CHST13: variants seen among roughly 807,000 people sequenced by gnomAD.
CHST13 encodes C4ST-3.
Under a neutral mutation model 7.0 loss-of-function variants are expected in CHST13, and 1 was observed. The observed-to-expected ratio is 0.14, with a 90% confidence interval of 0.05 to 0.68. The LOEUF is 0.68. Among genes scored for constraint, CHST13 ranks in the 30% least tolerant of loss-of-function variants. The pLI is 0.82. For synonymous variants in CHST13, 257 were observed against 240.9 expected, an observed-to-expected ratio of 1.07 and a Z score of -0.62; for missense variants, 572 against 507.9, an observed-to-expected ratio of 1.13 and a Z score of -1.21.
chr3:126,534,676 C>T (rs1354868275), intron 1 of CHST13, among the ~76,000 whole-genome samples: 1 of 148,084 alleles, frequency 6.8e-6, no homozygotes, highest in Non-Finnish European at 1.5e-5. Context: ...CTGTCCTCAG[C>T]CGGGAGACAG....
rs1332450977 is a variant in CHST13, at chr3:126,531,959, G to A, written c.98-4312G>A. On this transcript the variant is annotated intron_variant, in intron 1 of 2. Coordinates refer to ENST00000319340, the MANE Select transcript of CHST13 (RefSeq NM_152889.3). ...AGGGCTCCAATTTCTCCACATCCTT[G>A]TTATTTACTGTCTTTTTAAATAACC... Among the ~76,000 whole-genome samples the A allele has an allele frequency of 2.0e-5, 3 of 152,174 alleles. 1 individual carries two copies. In the South Asian group the frequency reaches 6.2e-4, roughly 32 times the overall value.
chr3:126,531,140 C>T (rs560642276), intron 1 of CHST13, among the ~76,000 whole-genome samples: 34 of 152,380 alleles, frequency 2.2e-4, no homozygotes, highest in Middle Eastern at 3.4e-3. Flanking sequence ...TGTCAAAGCA[C>T]GCTCCCAGAC....
rs761995292 is a variant in CHST13 at position 126,536,291 on chromosome 3, G to C, written c.118G>C (p.Gly40Arg). 6.2e-7 allele frequency: 1 copy of C among 1,613,864 alleles called. No homozygotes were observed. Reference protein sequence around the residue: ...LRPAFGNRALGSSWLGGEKRS... With the variant: ...LRPAFGNRALRSSWLGGEKRS... ...CACAGCATTTGGAAACAGAGCCCTGGGCTCCAGCTGGCTTGGTGGGGAGAA... is the reference window on the plus strand; with the variant it reads ...CACAGCATTTGGAAACAGAGCCCTGCGCTCCAGCTGGCTTGGTGGGGAGAA... Residue 40 changes from glycine to arginine, a missense_variant, in exon 2 of 3, where the codon GGC (glycine) becomes CGC (arginine). Coordinates refer to ENST00000319340, the MANE Select transcript of CHST13 (RefSeq NM_152889.3).
At chr3:126,535,099 T>TCCCTGTCCTCAGCCGGGAGACACAC (rs1560139687) in intron 1 of CHST13, among the ~76,000 whole-genome samples, 3 of 6,312 alleles carry the variant, frequency 4.8e-4, no homozygotes, top group Non-Finnish European at 3.6e-4. Context: ...GGGAGACAGA[T>TCCCTGTCCTCAGCCGGGAGACACAC]AGACAGCATC....
chr3:126,525,484 T>C (rs1346256456), intron 1 of CHST13, among the ~76,000 whole-genome samples: 1 of 152,012 alleles, frequency 6.6e-6, no homozygotes, highest in Non-Finnish European at 1.5e-5. Context: ...CCTGGATGCC[T>C]CCCCAAGCCC....
At position 126,542,099 on chromosome 3, in the gene CHST13, G is replaced by T; in HGVS notation, c.547G>T (p.Ala183Ser). 6.3e-7 allele frequency: 1 copy of T among 1,582,200 alleles called. No homozygotes were observed. The highest frequency in any genetic ancestry group is 8.6e-7 in the Non-Finnish European group (1 of 1,168,496). Residue 183 changes from alanine to serine, a missense_variant, in exon 3 of 3, where the codon GCT (alanine) becomes TCT (serine). Physicochemically the swap from Ala to Ser is moderately conservative, Grantham distance 99 (BLOSUM62 1). Transcript: ENST00000319340. ...VREPFERLAS[A>S]YRNKLARPYS... ...GGAGCCCTTCGAGCGCCTGGCATCG[G>T]CTTACCGCAACAAGCTCGCGCGCCC...
In CHST13 at chr3:126,524,428, G is replaced by A; in HGVS notation, c.96G>A (p.Pro32=). 3.6e-6 allele frequency: 4 copies of A among 1,112,358 alleles called. No homozygotes were observed. Among genetic ancestry groups the A allele is most frequent in the South Asian group, 4.5e-5 (1 of 22,306 alleles). 68.9% of individuals were successfully genotyped at this position (1,112,358 alleles called of 1,614,324 possible). A position where few individuals can be genotyped will look rare whatever the true frequency, so the allele number is the denominator to read the frequency against. The part of the protein sequence containing the change: ...LLCAAPRSLR[P]AFGNRALGSS... ...GCGCCGCGCCCCGCTCCCTGCGCCC[G>A]GGTGAGTGCCCGCCGGCCGAGCCGC... Residue 32 remains proline, a splice_region_variant and synonymous_variant, in exon 1 of 3, where the codon CCG becomes CCA. Coordinates refer to ENST00000319340, the MANE Select transcript of CHST13 (RefSeq NM_152889.3).
chr3:126,530,915 T>C (rs1936644690), intron 1 of CHST13, among the ~76,000 whole-genome samples: 1 of 152,214 alleles, frequency 6.6e-6, no homozygotes, highest in Non-Finnish European at 1.5e-5. Context: ...TTACAGGATG[T>C]GGCCTGGGCG....
intron 1 of CHST13, among the ~76,000 whole-genome samples, chr3:126,535,960 C>T (rs1251494959): frequency 6.6e-6 from 1 of 152,232 alleles, no homozygotes; most frequent in Non-Finnish European, 1.5e-5. Flanking sequence ...TTTGGGTGAT[C>T]TGGCCTTTCC....
rs569501262 is a variant in CHST13 at position 126,542,151 on chromosome 3, A to G, written c.599A>G (p.Tyr200Cys). The G allele has an allele frequency of 6.5e-6, 10 of 1,544,720 alleles. No individual in the cohort carries two copies. In the South Asian group the frequency reaches 1.2e-4, roughly 18 times the overall value. ...TACAGCGCCGCCTTCCAGAGGCGCT[A>G]CGGTGCACGCATCGTTCAGCGCCTG... ...RPYSAAFQRR[Y>C]GARIVQRLRP... Residue 200 changes from tyrosine to cysteine, a missense_variant, in exon 3 of 3, where the codon TAC becomes TGC. Physicochemically the swap from Tyr to Cys is radical, Grantham distance 194. Coordinates refer to ENST00000319340, the MANE Select transcript of CHST13 (RefSeq NM_152889.3).
intron 1 of CHST13, among the ~76,000 whole-genome samples, chr3:126,530,438 C>G (rs574403516): frequency 6.6e-6 from 1 of 152,182 alleles, no homozygotes; most frequent in African/African-American, 2.4e-5. Context: ...AGGCCTGGGT[C>G]GGCTTCTCAG....
intron 1 of CHST13, among the ~76,000 whole-genome samples, chr3:126,526,674 C>T (rs2107560911): frequency 6.6e-6 from 1 of 152,338 alleles, no homozygotes; most frequent in East Asian, 1.9e-4. Flanking sequence ...CCCTCCACAG[C>T]CACAGCCTCA....
At position 126,542,422 on chromosome 3, in the gene CHST13, G is replaced by A. The variant is rs1243332723; in HGVS notation, c.870G>A (p.Gly290=). Reference sequence around the variant, plus strand: ...GCGCATCCGACCTGAGCTTCCCTGGGCCGCCGCGGCCCCGGGGAGCCGCCG... The same window carrying A: ...GCGCATCCGACCTGAGCTTCCCTGGACCGCCGCGGCCCCGGGGAGCCGCCG... ...LAGASDLSFP[G]PPRPRGAAAS... Residue 290 remains glycine (G), a synonymous_variant, in exon 3 of 3, where the codon GGG becomes GGA. Transcript: ENST00000319340. The A allele has an allele frequency of 6.4e-7, 1 of 1,551,790 alleles. No homozygotes were observed. Among genetic ancestry groups the A allele is most frequent in the Non-Finnish European group, 8.7e-7 (1 of 1,151,228 alleles).
In CHST13 at chr3:126,542,533, C is replaced by A; in HGVS notation, c.981C>A (p.Phe327Leu). 4 of 1,535,876 alleles carry A rather than the reference C, an allele frequency of 2.6e-6. No individual in the cohort carries two copies. Among genetic ancestry groups the A allele is most frequent in the South Asian group, 1.3e-5 (1 of 79,530 alleles). Reference protein sequence around the residue: ...RRLFDLYKMDFLLFNYSAPSY... With the variant: ...RRLFDLYKMDLLLFNYSAPSY... ...TCTTCGACCTCTACAAGATGGACTT[C>A]CTGCTTTTCAACTACTCCGCCCCCT... The change falls in exon 3 of 3, where the codon TTC becomes TTA. Residue 327 changes from phenylalanine (F) to leucine (L), a missense_variant. Phe to Leu is a conservative substitution (Grantham distance 22). Transcript: ENST00000319340.
At position 126,541,797 on chromosome 3, in the gene CHST13, G is replaced by C. The variant is rs963741993; in HGVS notation, c.245G>C (p.Ser82Thr). The change falls in exon 3 of 3, where the codon AGC becomes ACC. Residue 82 changes from serine (S) to threonine (T), a missense_variant. By Grantham distance (58) the Ser-to-Thr change is moderately conservative. Coordinates refer to ENST00000319340, the MANE Select transcript of CHST13 (RefSeq NM_152889.3). ...CGCGACCTGCTGAACAGCGCCTGTA[G>C]CCGCCACTCACGCCGGCAGCGCCTG... is the stretch of plus-strand genomic sequence containing the variant. The part of the protein sequence containing the change: ...QRRDLLNSAC[S>T]RHSRRQRLLQ... 6.5e-7 allele frequency: 1 copy of C among 1,546,096 alleles called. No individual in the cohort carries two copies. Among genetic ancestry groups the C allele is most frequent in the African/African-American group, 1.4e-5 (1 of 72,114 alleles).
At chr3:126,525,748 G>A (rs6796854) in intron 1 of CHST13, among the ~76,000 whole-genome samples, 33,751 of 152,072 alleles carry the variant, frequency 0.22, 4,444 homozygotes, top group Admixed American at 0.3. Context: ...CCTGGGTCCC[G>A]GGGAGTGTCT....
At chr3:126,536,920 CACA>C (rs1560140829) in intron 2 of CHST13, among the ~76,000 whole-genome samples, 27 of 151,378 alleles carry the variant, frequency 1.8e-4, no homozygotes, top group Non-Finnish European at 3.4e-4. Flanking sequence ...CACACACACA[CACA>C]CCCCACACAC....
rs572110646 is a variant in CHST13 at position 126,538,668 on chromosome 3, C to T, written c.180+2315C>T. Among the ~76,000 whole-genome samples, 362 of 152,268 alleles carry T rather than the reference C, an allele frequency of 2.4e-3. 1 individual carries two copies. Among genetic ancestry groups the T allele is most frequent in the Non-Finnish European group, 3.7e-3 (251 of 68,006 alleles). ...GAAAGCAGACCTTGGCTGTGGGCCC[C>T]GGGGGCACAGCCTCTCCTGGCACCA... On this transcript the variant is annotated intron_variant, in intron 2 of 2. Transcript: ENST00000319340.
At chr3:126,533,952 T>G (rs1936711195) in intron 1 of CHST13, among the ~76,000 whole-genome samples, 1 of 152,196 alleles carries the variant, frequency 6.6e-6, no homozygotes, top group African/African-American at 2.4e-5. Context: ...TTTCAAGAAT[T>G]TCTGTCTTTC....
Sources: gnomAD v4.1 joint callset for allele counts (sites outside exome capture counted in the v4.1 genomes callset) on GRCh38, gnomAD v4.1.1 for gene constraint, MANE v1.5 for transcripts, NCBI Gene and HGNC (gene_info 2026-07-23, HGNC 2026-07-21) for gene names.